The following PLCB4 variants were observed in gnomAD, a reference collection of about 807,000 sequenced individuals.
The protein encoded by PLCB4 is phospholipase C beta 4.
PLCB4 carries 77 observed loss-of-function variants against 178.8 expected under a neutral mutation model. The observed-to-expected ratio is 0.43, with a 90% CI of 0.36 to 0.52. The LOEUF is 0.52. Among genes scored for constraint, PLCB4 ranks in the 20% least tolerant of loss-of-function variants. The pLI is 0.00. For missense variants in PLCB4, 1,024 were observed against 1,453.4 expected, an observed-to-expected ratio of 0.70 and a Z score of 4.80; for synonymous variants, 496 against 490.8, an observed-to-expected ratio of 1.01 and a Z score of -0.14.
intron 3 of PLCB4, among the ~76,000 whole-genome samples, chr20:9,255,054 A>C: frequency 6.6e-6 from 1 of 152,310 alleles, no homozygotes; most frequent in Non-Finnish European, 1.5e-5. Context: ...ATCTAGTAAA[A>C]TATATATTTA....
intron 15 of PLCB4, 31 bp from the exon 16 acceptor site, chr20:9,389,848 C>A: frequency 5.1e-6 from 5 of 972,984 alleles, no homozygotes; most frequent in African/African-American, 1.6e-5. Flanking sequence ...TTGCTCTTTT[C>A]TCTCATTAAC....
intron 2 of PLCB4, among the ~76,000 whole-genome samples, chr20:9,174,226 T>C (rs2093115180): frequency 6.6e-6 from 1 of 152,004 alleles, no homozygotes; most frequent in Admixed American, 6.6e-5. Context: ...TCAGCCTCCA[T>C]CTCCCAGCTT....
At chr20:9,135,525 G>T (rs2092364597) in intron 2 of PLCB4, among the ~76,000 whole-genome samples, 1 of 151,946 alleles carries the variant, frequency 6.6e-6, no homozygotes, top group Non-Finnish European at 1.5e-5. Context: ...TTTCTTGAGG[G>T]TATTAATTTA....
At chr20:9,422,579 C>G (rs1408448727) in intron 27 of PLCB4, among the ~76,000 whole-genome samples, 3 of 152,086 alleles carry the variant, frequency 2.0e-5, no homozygotes, top group African/African-American at 7.2e-5. Context: ...CTCAGGCATT[C>G]TTTGTTTTGG....
At chr20:9,265,034 C>A (rs1037742746) in intron 3 of PLCB4, among the ~76,000 whole-genome samples, 1 of 152,144 alleles carries the variant, frequency 6.6e-6, no homozygotes, top group Non-Finnish European at 1.5e-5. Flanking sequence ...CAAGTCCAAG[C>A]CCCATTGTGA....
intron 18 of PLCB4, 30 bp downstream of exon 18, chr20:9,393,708 AGCATACATAACAT>A: frequency 7.6e-7 from 1 of 1,322,100 alleles, no homozygotes; most frequent in Non-Finnish European, 1.1e-6. Context: ...TTATAATGGA[AGCATACATAACAT>A]GTGTGGACAT....
At chr20:9,100,076 G>GTTT (rs2091082913) in intron 2 of PLCB4, among the ~76,000 whole-genome samples, 3 of 152,124 alleles carry the variant, frequency 2.0e-5, no homozygotes, top group Non-Finnish European at 4.4e-5. Context: ...CACACTCATG[G>GTTT]GACTTCAGGT....
chr20:9,140,790 C>T (rs1600678721), intron 2 of PLCB4, among the ~76,000 whole-genome samples: 1 of 151,888 alleles, frequency 6.6e-6, no homozygotes, highest in East Asian at 1.9e-4. Context: ...ATACAGCCTG[C>T]GGAACCGTGA....
chr20:9,354,511 C>G (rs1217668314), intron 7 of PLCB4, among the ~76,000 whole-genome samples: 1 of 152,148 alleles, frequency 6.6e-6, no homozygotes, highest in African/African-American at 2.4e-5. Flanking sequence ...GGCCCTGCCC[C>G]CAAGTTGCTG....
Position 9,213,128 on chromosome 20 carries a change from CTT to C in PLCB4, c.-78-4233_-78-4232del, listed in dbSNP as rs56785951. Among the ~76,000 whole-genome samples the C allele has an allele frequency of 7.3e-3, 259 of 35,684 alleles. 3 individuals are homozygous for C. The highest frequency in any genetic ancestry group is 0.02 in the African/African-American group (163 of 8,102). The allele number at this position is 35,684 out of a possible 152,430, so 23.4% of individuals were successfully genotyped here. A position where few individuals can be genotyped will look rare whatever the true frequency, so the allele number is the denominator to read the frequency against. Reference sequence around the variant, plus strand: ...TGCTTGGCTTCTCTCCGTTAGCATACTTTTTTTTTTTTTTTTTTTTTTTTTTT... The same window carrying C: ...TGCTTGGCTTCTCTCCGTTAGCATACTTTTTTTTTTTTTTTTTTTTTTTTT... On this transcript the variant is annotated intron_variant, in intron 2 of 39. Transcript: ENST00000378473.
At chr20:9,314,872 A>T (rs73093894) in intron 4 of PLCB4, among the ~76,000 whole-genome samples, 3,861 of 141,250 alleles carry the variant, frequency 0.027, 46 homozygotes, top group Middle Eastern at 0.044. Context: ...GGGTAGAGGA[A>T]TTTTTTTTTT....
chr20:9,135,664 A>G (rs1157729627), intron 2 of PLCB4, among the ~76,000 whole-genome samples: 1 of 152,130 alleles, frequency 6.6e-6, no homozygotes, highest in Admixed American at 6.5e-5. Flanking sequence ...ATGATTGGTT[A>G]TATTTATGCT....
chr20:9,315,069 AC>A (rs2094883735), intron 4 of PLCB4, among the ~76,000 whole-genome samples: 1 of 151,844 alleles, frequency 6.6e-6, no homozygotes, highest in African/African-American at 2.4e-5. Flanking sequence ...ATGTGGTGAA[AC>A]CCCGTCTACA....
rs140430539 is a variant in PLCB4, at chr20:9,333,938, A to G, written c.85-3188A>G. On this transcript the variant is annotated intron_variant, in intron 4 of 39. Coordinates refer to ENST00000378473, the MANE Select transcript of PLCB4 (RefSeq NM_001377142.1). ...AGGGGAGAGAATAAAGAGTTCAGTT[A>G]TGGACATACTTATTTCAAGACATCC... is the stretch of plus-strand genomic sequence containing the variant. Among the ~76,000 whole-genome samples, 53 of 152,292 alleles carry G rather than the reference A, an allele frequency of 3.5e-4. No homozygotes were observed. The East Asian group carries it at 9.1e-3, about 26-fold the overall frequency.
At chr20:9,385,669 C>A (rs1190372575) in intron 14 of PLCB4, among the ~76,000 whole-genome samples, 2 of 141,476 alleles carry the variant, frequency 1.4e-5, no homozygotes, top group African/African-American at 5.4e-5. Flanking sequence ...GGGTGGTGGC[C>A]GGGCAGAGGC....
Position 9,290,331 on chromosome 20 carries a change from C to T in PLCB4, c.-15-17469C>T, listed in dbSNP as rs527350966. ...GCTCCATTTTCTCTCTCTTTTTCCCCAGCCTGCGGATATGGTTTGAATTAG... is the reference window on the plus strand; with the variant it reads ...GCTCCATTTTCTCTCTCTTTTTCCCTAGCCTGCGGATATGGTTTGAATTAG... On this transcript the variant is annotated intron_variant, in intron 3 of 39. Coordinates refer to ENST00000378473, the MANE Select transcript of PLCB4 (RefSeq NM_001377142.1). Among the ~76,000 whole-genome samples, 467 of 152,164 alleles carry T rather than the reference C, an allele frequency of 3.1e-3. 2 individuals carry two copies. The highest frequency in any genetic ancestry group is 0.011 in the African/African-American group (453 of 41,548).
intron 2 of PLCB4, among the ~76,000 whole-genome samples, chr20:9,191,900 A>G (rs954043798): frequency 6.7e-6 from 1 of 149,002 alleles, no homozygotes; most frequent in Non-Finnish European, 1.5e-5. Flanking sequence ...TTTTTTAAAT[A>G]TACACATCCT....
chr20:9,324,079 G>A (rs1472028453), intron 4 of PLCB4, among the ~76,000 whole-genome samples: 1 of 151,874 alleles, frequency 6.6e-6, no homozygotes, highest in African/African-American at 2.4e-5. Context: ...GGAGGCTGAG[G>A]CAGGAGAATT....
chr20:9,243,601 G>A (rs1248003080), intron 3 of PLCB4, among the ~76,000 whole-genome samples: 2 of 152,120 alleles, frequency 1.3e-5, no homozygotes, highest in Non-Finnish European at 2.9e-5. Context: ...GCAATTTTTT[G>A]CATCCTTCTT....
Sources: allele counts gnomAD v4.1 joint callset (sites outside exome capture counted in the v4.1 genomes callset), GRCh38; gene constraint gnomAD v4.1.1; transcripts MANE v1.5; gene names NCBI Gene and HGNC (gene_info 2026-07-23, HGNC 2026-07-21).